ARHGAP22: variants seen among roughly 807,000 people sequenced by gnomAD.
ARHGAP22 encodes Rho GTPase activating protein 22.
A neutral mutation model predicts 59.1 loss-of-function variants in ARHGAP22; 48 were observed. The observed-to-expected ratio is 0.81, with a 90% CI of 0.64 to 1.03. The LOEUF (loss-of-function observed/expected upper bound fraction) is 1.03, where lower values mean the gene tolerates loss of function less well. Among genes scored for constraint, ARHGAP22 ranks in the 50% least tolerant of loss-of-function variants. ARHGAP22 has a pLI of 0.00. For missense variants in ARHGAP22, 1,015 were observed against 958.7 expected, an observed-to-expected ratio of 1.06 and a Z score of -0.78; for synonymous variants, 445 against 416.4, an observed-to-expected ratio of 1.07 and a Z score of -0.84.
chr10:48,573,620 G>A (rs1385202484), intron 2 of ARHGAP22, among the ~76,000 whole-genome samples: 6 of 152,168 alleles, frequency 3.9e-5, no homozygotes, highest in African/African-American at 9.7e-5. Context: ...AGATGCCTTC[G>A]CATGCTTCTT....
intron 1 of ARHGAP22, among the ~76,000 whole-genome samples, chr10:48,647,760 G>C (rs1037359188): frequency 5.3e-5 from 8 of 152,314 alleles, no homozygotes; most frequent in African/African-American, 1.7e-4. Context: ...AGCATCATTC[G>C]TAATAATCCC....
At chr10:48,461,577 C>A (rs1324406224) in intron 4 of ARHGAP22, among the ~76,000 whole-genome samples, 2 of 152,200 alleles carry the variant, frequency 1.3e-5, no homozygotes, top group African/African-American at 2.4e-5. Context: ...CTGAGAAAAT[C>A]TATGAAAACT....
Position 48,453,063 on chromosome 10 carries a change from G to A in ARHGAP22, c.988+241C>T, listed in dbSNP as rs77628116. ...CCTGGCTATTCTAATTGCACCCAGT[G>A]ACCTGCTGCTGCCCATCGCAGGGCA... On this transcript the variant is annotated intron_variant, in intron 8 of 9. Coordinates refer to ENST00000249601, the MANE Select transcript of ARHGAP22 (RefSeq NM_021226.4). 3.9e-5 allele frequency among the ~76,000 whole-genome samples: 6 copies of A among 152,300 alleles called. No homozygotes were observed. In the Middle Eastern group the frequency reaches 0.01, roughly 259 times the overall value.
chr10:48,483,543 C>CT (rs1291556647), intron 3 of ARHGAP22, among the ~76,000 whole-genome samples: 5 of 151,598 alleles, frequency 3.3e-5, no homozygotes, highest in African/African-American at 1.2e-4. Context: ...TAAGAGTTTT[C>CT]TTTTTTCAGT....
intron 3 of ARHGAP22, among the ~76,000 whole-genome samples, chr10:48,539,174 G>A (rs1286608493): frequency 1.3e-5 from 2 of 151,752 alleles, no homozygotes; most frequent in African/African-American, 4.8e-5. Flanking sequence ...ACATCAAATA[G>A]TAGATTTTCA....
chr10:48,564,578 C>A (rs1052773321), intron 2 of ARHGAP22, among the ~76,000 whole-genome samples: 21 of 152,312 alleles, frequency 1.4e-4, no homozygotes, highest in African/African-American at 5.1e-4. Context: ...AAATGGAAAG[C>A]AGTCAGCTAA....
At chr10:48,514,933 C>T (rs57235473) in intron 3 of ARHGAP22, among the ~76,000 whole-genome samples, 4,135 of 151,982 alleles carry the variant, frequency 0.027, 213 homozygotes, top group African/African-American at 0.094. Flanking sequence ...AATAAAATAA[C>T]TAAAAGAATA....
intron 3 of ARHGAP22, among the ~76,000 whole-genome samples, chr10:48,551,407 G>A (rs1232336855): frequency 6.6e-6 from 1 of 152,218 alleles, no homozygotes; most frequent in East Asian, 1.9e-4. Context: ...CTTACGGCAG[G>A]AGGTGTGCCT....
intron 3 of ARHGAP22, chr10:48,493,605 G>C: frequency 1.4e-6 from 2 of 1,472,674 alleles, no homozygotes. Flanking sequence ...GCGGCCACTC[G>C]GCTGCCTGTG....
intron 3 of ARHGAP22, among the ~76,000 whole-genome samples, chr10:48,489,291 T>G (rs564747226): frequency 8.5e-4 from 129 of 152,274 alleles, no homozygotes; most frequent in African/African-American, 3.0e-3. Flanking sequence ...GATGACCCCA[T>G]TTGACAGGTG....
chr10:48,535,344 G>A (rs1447083841), intron 3 of ARHGAP22, among the ~76,000 whole-genome samples: 1 of 152,228 alleles, frequency 6.6e-6, no homozygotes, highest in Non-Finnish European at 1.5e-5. Flanking sequence ...AAAGGGAAGA[G>A]GGAGTGGGGC....
intron 4 of ARHGAP22, among the ~76,000 whole-genome samples, chr10:48,463,853 C>G (rs1487119937): frequency 1.3e-5 from 2 of 152,226 alleles, no homozygotes; most frequent in African/African-American, 4.8e-5. Flanking sequence ...GGACCGAGCT[C>G]TCCAGGGCCG....
intron 1 of ARHGAP22, among the ~76,000 whole-genome samples, chr10:48,644,660 A>G (rs2062213896): frequency 6.6e-6 from 1 of 152,252 alleles, no homozygotes. Context: ...GTTGAACAAC[A>G]CACTACTAAA....
intron 3 of ARHGAP22, among the ~76,000 whole-genome samples, chr10:48,518,379 C>G (rs927240247): frequency 2.0e-5 from 3 of 152,134 alleles, no homozygotes; most frequent in Non-Finnish European, 4.4e-5. Context: ...AGTGAGGGAA[C>G]AGATTGTGCA....
rs1485975006 is a variant in ARHGAP22 at position 48,454,074 on chromosome 10, G to A, written c.866+14C>T. 1 of 1,613,278 alleles carries A rather than the reference G, an allele frequency of 6.2e-7. No individual in the cohort carries two copies. The highest frequency in any genetic ancestry group is 8.5e-7 in the Non-Finnish European group (1 of 1,179,464). ...GTGCAGGAAAGTGTGGTTCCCTCCT[G>A]CCAAGCCGCTTACTTGCAGATGTAT... On this transcript the variant is annotated intron_variant, in intron 7 of 9. Coordinates refer to ENST00000249601, the MANE Select transcript of ARHGAP22 (RefSeq NM_021226.4).
intron 3 of ARHGAP22, among the ~76,000 whole-genome samples, chr10:48,550,354 T>C (rs1024010658): frequency 3.9e-5 from 6 of 152,210 alleles, no homozygotes; most frequent in African/African-American, 1.4e-4. Context: ...TCTTTCTTAC[T>C]CCAAGGTAAC....
In ARHGAP22 at chr10:48,485,273, A is replaced by T. The variant is rs59010463; in HGVS notation, c.323-5509T>A. Among the ~76,000 whole-genome samples, 163 of 152,212 alleles carry T rather than the reference A, an allele frequency of 1.1e-3. 1 individual carries two copies. The highest frequency in any genetic ancestry group is 3.7e-3 in the African/African-American group (154 of 41,526). ...ATAATTGTCCCTGAACTACTACTTT[A>T]GAGGCAGCTCCCAGATTTCAATACG... is the stretch of plus-strand genomic sequence containing the variant. On this transcript the variant is annotated intron_variant, in intron 3 of 9. Transcript: ENST00000249601.
chr10:48,652,634 T>G (rs2062611899), upstream of ARHGAP22: 1 of 298,674 alleles, frequency 3.3e-6, no homozygotes, highest in Non-Finnish European at 6.2e-6. Context: ...AGGGGCTTTG[T>G]GAGCAAAGCC....
chr10:48,609,056 A>T (rs1425316564), upstream of ARHGAP22, among the ~76,000 whole-genome samples: 2 of 152,178 alleles, frequency 1.3e-5, no homozygotes, highest in Admixed American at 1.3e-4. Context: ...GAGTATTTAC[A>T]CCAAGAAAAC....
Sources: gnomAD v4.1 joint callset for allele counts (sites outside exome capture counted in the v4.1 genomes callset) on GRCh38, gnomAD v4.1.1 for gene constraint, MANE v1.5 for transcripts, NCBI Gene and HGNC (gene_info 2026-07-23, HGNC 2026-07-21) for gene names.